Variants in AASDH observed in about 807,000 individuals in gnomAD.
The protein encoded by AASDH is aminoadipate-semialdehyde dehydrogenase, also known as beta-alanine-activating enzyme.
Under a neutral mutation model 102.3 loss-of-function variants are expected in AASDH, and 81 were observed. The observed-to-expected ratio is 0.79, with a 90% CI of 0.66 to 0.95. The LOEUF is 0.95. Ranked by LOEUF, AASDH falls within the 40% of genes least tolerant of loss-of-function variation. The probability of loss-of-function intolerance (pLI) is 0.00; values close to 1 mark genes in which losing one functional copy is unlikely to be tolerated. For missense variants in AASDH, 1,203 were observed against 1,266.2 expected (o/e 0.95, Z 0.76); for synonymous variants, 398 against 454.0 (o/e 0.88, Z 1.57).
chr4:56,371,366 G>C (rs1222901992), intron 5 of AASDH, 85 bp downstream of exon 5: 7 of 1,359,916 alleles, frequency 5.1e-6, no homozygotes, highest in African/African-American at 3.0e-5. Flanking sequence ...CCATTGTAAA[G>C]AACTACAGGA....
At chr4:56,344,597 A>T (rs1748104355) in intron 12 of AASDH, among the ~76,000 whole-genome samples, 1 of 152,088 alleles carries the variant, frequency 6.6e-6, no homozygotes, top group South Asian at 2.1e-4. Flanking sequence ...TAATTTCATA[A>T]TTCTTACATA....
At chr4:56,342,203 G>GA (rs1453628783) in intron 14 of AASDH, among the ~76,000 whole-genome samples, 1 of 149,252 alleles carries the variant, frequency 6.7e-6, no homozygotes, top group Non-Finnish European at 1.5e-5. Flanking sequence ...CATATAGTAA[G>GA]AAAAAATAAG....
intron 4 of AASDH, among the ~76,000 whole-genome samples, chr4:56,377,628 G>A (rs1347274970): frequency 5.3e-5 from 8 of 152,164 alleles, no homozygotes; most frequent in East Asian, 1.9e-4. Context: ...TGTTTGTTCC[G>A]TGTCTGGCCC....
chr4:56,356,902 G>A (rs999088841), intron 5 of AASDH: 84 of 932,742 alleles, frequency 9.0e-5, no homozygotes, highest in Middle Eastern at 6.7e-4. Context: ...AAAGGCAAAC[G>A]CTAAAGAACC....
rs1452154432 is a variant in AASDH, at chr4:56,384,100, G to A, written c.200C>T (p.Pro67Leu). 6.2e-7 allele frequency: 1 copy of A among 1,614,046 alleles called. No individual in the cohort carries two copies. The highest frequency in any genetic ancestry group is 2.2e-5 in the East Asian group (1 of 44,870). Residue 67 changes from proline to leucine, a missense_variant, in exon 2 of 15, where the codon CCT becomes CTT. Pro to Leu is a moderately conservative substitution (Grantham distance 98). Coordinates refer to ENST00000205214, the MANE Select transcript of AASDH (RefSeq NM_181806.4). The part of the protein sequence containing the change: ...GIREIGLYCQ[P>L]GIDLPSWILG... Reference sequence around the variant, plus strand: ...AATCCAAGAGGGTAAGTCTATCCCAGGTTGGCAGTAGAGACCAATTTCCCG... The same window carrying A: ...AATCCAAGAGGGTAAGTCTATCCCAAGTTGGCAGTAGAGACCAATTTCCCG...
At chr4:56,347,103 A>G (rs1220631728) in intron 11 of AASDH, among the ~76,000 whole-genome samples, 3 of 152,110 alleles carry the variant, frequency 2.0e-5, no homozygotes, top group Non-Finnish European at 4.4e-5. Context: ...TAAAACCACA[A>G]TAAAATTCCA....
chr4:56,370,948 C>T (rs985539701), intron 5 of AASDH, among the ~76,000 whole-genome samples: 2 of 152,180 alleles, frequency 1.3e-5, no homozygotes, highest in African/African-American at 2.4e-5. Context: ...CAGTCATATA[C>T]TTGTGTACCT....
intron 11 of AASDH, among the ~76,000 whole-genome samples, chr4:56,347,529 C>T (rs1230184803): frequency 6.6e-6 from 1 of 152,108 alleles, no homozygotes; most frequent in Non-Finnish European, 1.5e-5. Context: ...CCCCATATTC[C>T]TAATAGAGTA....
chr4:56,371,486 C>T lies in AASDH; in HGVS notation c.826G>A (p.Val276Ile), dbSNP rs781223932. 23 of 1,612,508 alleles carry T rather than the reference C, an allele frequency of 1.4e-5. No individual in the cohort carries two copies. In the South Asian group the frequency reaches 1.8e-4, roughly 12 times the overall value. The change falls in exon 5 of 15, where the codon GTT (valine) becomes ATT (isoleucine). Residue 276 changes from valine (V) to isoleucine (I), a missense_variant. Val to Ile is a conservative substitution (Grantham distance 29, BLOSUM62 3). Coordinates refer to ENST00000205214, the MANE Select transcript of AASDH (RefSeq NM_181806.4). Reference protein sequence around the residue: ...VKLLPSKLASVLFSHHRVTVL... With the variant: ...VKLLPSKLASILFSHHRVTVL... ...GTCACTCTATGATGGGAAAAGAGAACGCTGGCTAATTTTGATGGGAGCAAC... is the reference window on the plus strand; with the variant it reads ...GTCACTCTATGATGGGAAAAGAGAATGCTGGCTAATTTTGATGGGAGCAAC...
At chr4:56,369,426 G>A (rs1751434133) in intron 5 of AASDH, among the ~76,000 whole-genome samples, 1 of 152,136 alleles carries the variant, frequency 6.6e-6, no homozygotes, top group South Asian at 2.1e-4. Flanking sequence ...TTCATGGAAT[G>A]ACTCTCTAAC....
chr4:56,349,705 G>A lies in AASDH; in HGVS notation c.2046C>T (p.Ser682=). 1 of 1,614,158 alleles carries A rather than the reference G, an allele frequency of 6.2e-7. No individual in the cohort carries two copies. The highest frequency in any genetic ancestry group is 8.5e-7 in the Non-Finnish European group (1 of 1,180,038). Residue 682 remains serine, a synonymous_variant, in exon 11 of 15, where the codon AGC becomes AGT. Coordinates refer to ENST00000205214, the MANE Select transcript of AASDH (RefSeq NM_181806.4). ...TCAGAGACAAAATTTGACTCCCTCT[G>A]CTCAGTACAACAAAAGCATTAATCT... ...HNEINAFVVL[S]RGSQILSLNS... is the part of the protein sequence containing the mutation.
At chr4:56,343,923 G>T (rs1748019352) in intron 12 of AASDH, among the ~76,000 whole-genome samples, 1 of 152,014 alleles carries the variant, frequency 6.6e-6, no homozygotes, top group Admixed American at 6.6e-5. Flanking sequence ...GTGTGTGTCT[G>T]GGCGCACACA....
At chr4:56,347,452 T>C (rs937184369) in intron 11 of AASDH, among the ~76,000 whole-genome samples, 2 of 152,180 alleles carry the variant, frequency 1.3e-5, no homozygotes, top group Non-Finnish European at 2.9e-5. Context: ...GCGTATAAAA[T>C]GAAACCTAAC....
Position 56,351,388 on chromosome 4 carries a change from A to C in AASDH, c.1646T>G (p.Leu549Arg). 5.6e-6 allele frequency: 9 copies of C among 1,604,170 alleles called. No homozygotes were observed. The highest frequency in any genetic ancestry group is 7.7e-6 in the Non-Finnish European group (9 of 1,173,010). Residue 549 changes from leucine to arginine, a missense_variant, in exon 10 of 15, where the codon CTC (leucine) becomes CGC (arginine). Transcript: ENST00000205214. Reference sequence around the variant, plus strand: ...TTCCCAAAGGTCCTCTTTCCCACTGAGCTTATTCTCAGACTTCAAGTTTAT... The same window carrying C: ...TTCCCAAAGGTCCTCTTTCCCACTGCGCTTATTCTCAGACTTCAAGTTTAT... ...NYINLKSENK[L>R]SGKEDLWEKL...
intron 1 of AASDH, among the ~76,000 whole-genome samples, chr4:56,386,707 G>C (rs1241551826): frequency 1.4e-5 from 2 of 145,130 alleles, no homozygotes; most frequent in African/African-American, 5.1e-5. Flanking sequence ...GCAGGAGAAT[G>C]GCGTCAACCC....
At chr4:56,368,158 A>G (rs1157822480) in intron 5 of AASDH, among the ~76,000 whole-genome samples, 4 of 152,208 alleles carry the variant, frequency 2.6e-5, no homozygotes, top group African/African-American at 9.7e-5. Context: ...GCAAATCAAA[A>G]CCACAATGAG....
At chr4:56,387,091 T>A (rs909450335) in intron 1 of AASDH, among the ~76,000 whole-genome samples, 1 of 152,200 alleles carries the variant, frequency 6.6e-6, no homozygotes, top group Non-Finnish European at 1.5e-5. Context: ...ATTTCTTCAT[T>A]GCTCTTCGAA....
chr4:56,349,008 A>G (rs569254137), intron 11 of AASDH: 6 of 504,042 alleles, frequency 1.2e-5, no homozygotes, highest in African/African-American at 1.2e-4. Flanking sequence ...TTTTACCCAC[A>G]AGGAAAGTGA....
chr4:56,344,909 T>A (rs1214620440), intron 12 of AASDH, among the ~76,000 whole-genome samples: 2 of 151,722 alleles, frequency 1.3e-5, no homozygotes, highest in Non-Finnish European at 2.9e-5. Flanking sequence ...TCTATGCTTA[T>A]GGTATTAGAC....
Sources: allele counts gnomAD v4.1 joint callset (sites outside exome capture counted in the v4.1 genomes callset), GRCh38; gene constraint gnomAD v4.1.1; transcripts MANE v1.5; gene names NCBI Gene and HGNC (gene_info 2026-07-23, HGNC 2026-07-21).